The following SPOCK1 variants were observed in gnomAD, a reference collection of about 807,000 sequenced individuals.
SPOCK1 encodes the protein testican-1.
SPOCK1 carries 23 observed loss-of-function variants against 55.3 expected under a neutral mutation model. That is an observed-to-expected ratio of 0.42 (90% CI 0.30 to 0.59). The LOEUF is 0.59. Among genes scored for constraint, SPOCK1 ranks in the 20% least tolerant of loss-of-function variants. The pLI is 0.22. For missense variants in SPOCK1, 499 were observed against 552.5 expected (o/e 0.90, Z 0.97); for synonymous variants, 226 against 221.0 (o/e 1.02, Z -0.20).
At chr5:137,062,525 AAAT>A (rs71583272) in intron 6 of SPOCK1, among the ~76,000 whole-genome samples, 1,846 of 143,458 alleles carry the variant, frequency 0.013, 30 homozygotes, top group African/African-American at 0.013. Context: ...CAAGCATTAT[AAAT>A]AATAATAATA....
intron 2 of SPOCK1, among the ~76,000 whole-genome samples, chr5:137,496,240 C>T (rs1022241500): frequency 3.3e-5 from 5 of 152,166 alleles, no homozygotes; most frequent in Non-Finnish European, 7.3e-5. Flanking sequence ...ATTTAACAAG[C>T]ACTTCAGGTG....
chr5:137,306,790 G>C (rs925288117), intron 2 of SPOCK1, among the ~76,000 whole-genome samples: 3 of 151,598 alleles, frequency 2.0e-5, no homozygotes, highest in Non-Finnish European at 4.4e-5. Context: ...TATTTTCTCA[G>C]CCTAAACAAC....
At chr5:137,323,645 T>G (rs1480814635) in intron 2 of SPOCK1, among the ~76,000 whole-genome samples, 1 of 152,066 alleles carries the variant, frequency 6.6e-6, no homozygotes, top group Non-Finnish European at 1.5e-5. Flanking sequence ...AACAACCCAA[T>G]TTTTAAAATG....
At chr5:137,041,726 G>A (rs779105634) in intron 6 of SPOCK1, among the ~76,000 whole-genome samples, 2 of 152,126 alleles carry the variant, frequency 1.3e-5, no homozygotes, top group Non-Finnish European at 2.9e-5. Context: ...TTTTCATAGG[G>A]AAATACAAAT....
At chr5:137,495,071 G>A (rs1754270938) in intron 2 of SPOCK1, among the ~76,000 whole-genome samples, 1 of 152,288 alleles carries the variant, frequency 6.6e-6, no homozygotes, top group East Asian at 1.9e-4. Context: ...AATTGCTAGT[G>A]TTTATAAAAG....
chr5:137,347,660 T>C (rs1002185760), intron 2 of SPOCK1, among the ~76,000 whole-genome samples: 1 of 152,038 alleles, frequency 6.6e-6, no homozygotes, highest in Non-Finnish European at 1.5e-5. Context: ...AAGGTTGCAG[T>C]GAGCCAAGAT....
At chr5:137,378,382 T>C (rs1302961322) in intron 2 of SPOCK1, among the ~76,000 whole-genome samples, 3 of 152,130 alleles carry the variant, frequency 2.0e-5, no homozygotes, top group African/African-American at 7.2e-5. Context: ...GAAGTGGCAT[T>C]GGGGATACAG....
chr5:137,491,581 A>G (rs1427631718), intron 2 of SPOCK1, among the ~76,000 whole-genome samples: 1 of 152,130 alleles, frequency 6.6e-6, no homozygotes, highest in Non-Finnish European at 1.5e-5. Context: ...GCTATATACA[A>G]TGGTGTATCT....
intron 2 of SPOCK1, among the ~76,000 whole-genome samples, chr5:137,305,777 C>A (rs1004320756): frequency 2.0e-5 from 3 of 152,334 alleles, no homozygotes; most frequent in South Asian, 4.1e-4. Context: ...TTCCCCTGAA[C>A]TAGAGGCAGC....
At chr5:137,235,837 C>T (rs1486730964) in intron 3 of SPOCK1, among the ~76,000 whole-genome samples, 4 of 152,206 alleles carry the variant, frequency 2.6e-5, no homozygotes, top group Non-Finnish European at 5.9e-5. Context: ...ATAGGTGGTT[C>T]GGCTTCTGAT....
rs956110667 is a variant in SPOCK1 at position 137,171,398 on chromosome 5, G to T, written c.233-30704C>A. Among the ~76,000 whole-genome samples, 9 of 152,232 alleles carry T rather than the reference G, an allele frequency of 5.9e-5. 1 individual carries two copies. The highest frequency in any genetic ancestry group is 1.7e-4 in the African/African-American group (7 of 41,540). On this transcript the variant is annotated intron_variant, in intron 3 of 10. Coordinates refer to ENST00000394945, the MANE Select transcript of SPOCK1 (RefSeq NM_004598.4). Reference sequence around the variant, plus strand: ...CTGACTTCCATGGGCCTGATACAGAGCTGGCACTTGATCAACTTTTGCTGA... The same window carrying T: ...CTGACTTCCATGGGCCTGATACAGATCTGGCACTTGATCAACTTTTGCTGA...
At chr5:137,239,420 T>C (rs1403483740) in intron 3 of SPOCK1, among the ~76,000 whole-genome samples, 1 of 152,194 alleles carries the variant, frequency 6.6e-6, no homozygotes, top group African/African-American at 2.4e-5. Flanking sequence ...TTTTAAGTAT[T>C]TACCTGGCAC....
At chr5:137,166,732 T>C (rs1462060870) in intron 3 of SPOCK1, among the ~76,000 whole-genome samples, 1 of 152,114 alleles carries the variant, frequency 6.6e-6, no homozygotes, top group Non-Finnish European at 1.5e-5. Context: ...ATGCAAGCAG[T>C]AAGTTGTTAT....
chr5:137,475,634 G>A (rs1337820058), intron 2 of SPOCK1, among the ~76,000 whole-genome samples: 1 of 151,892 alleles, frequency 6.6e-6, no homozygotes, highest in Admixed American at 6.6e-5. Context: ...CCAGGCTGGA[G>A]GGCTGTGGCA....
intron 6 of SPOCK1, among the ~76,000 whole-genome samples, chr5:137,035,482 G>T (rs1452429331): frequency 6.6e-6 from 1 of 152,236 alleles, no homozygotes; most frequent in African/African-American, 2.4e-5. Context: ...AGCTGGAAGA[G>T]GGTGAATTAG....
intron 5 of SPOCK1, among the ~76,000 whole-genome samples, chr5:137,079,541 C>CA (rs983716890): frequency 3.3e-5 from 5 of 149,588 alleles, no homozygotes; most frequent in East Asian, 2.0e-4. Flanking sequence ...ATTCCCCCCC[C>CA]CCCCGACTTA....
chr5:137,032,227 T>TC (rs2126986197), intron 6 of SPOCK1, among the ~76,000 whole-genome samples: 2 of 152,002 alleles, frequency 1.3e-5, no homozygotes, highest in East Asian at 3.9e-4. Context: ...AGAAAGATCC[T>TC]CCCCACAAAC....
At chr5:137,094,677 G>A (rs1753109691) in intron 5 of SPOCK1, among the ~76,000 whole-genome samples, 2 of 152,210 alleles carry the variant, frequency 1.3e-5, no homozygotes, top group Non-Finnish European at 2.9e-5. Context: ...TGATAAGGGT[G>A]GTGGCTGCTG....
intron 6 of SPOCK1, among the ~76,000 whole-genome samples, chr5:137,061,516 CT>C (rs1311589635): frequency 6.6e-6 from 1 of 152,164 alleles, no homozygotes; most frequent in East Asian, 1.9e-4. Flanking sequence ...TTAGCATGCC[CT>C]GTTGGAAAAA....
Sources: gnomAD v4.1 joint callset for allele counts (sites outside exome capture counted in the v4.1 genomes callset) on GRCh38, gnomAD v4.1.1 for gene constraint, MANE v1.5 for transcripts, NCBI Gene and HGNC (gene_info 2026-07-23, HGNC 2026-07-21) for gene names.